The following ST8SIA5 variants were observed in gnomAD, a reference collection of about 807,000 sequenced individuals.
ST8SIA5 encodes ST8 alpha-N-acetyl-neuraminide alpha-2,8-sialyltransferase 5.
Under a neutral mutation model 40.2 loss-of-function variants are expected in ST8SIA5, and 24 were observed. The ratio of observed to expected loss-of-function variants is 0.60; its 90% CI spans 0.43 to 0.84. The LOEUF is 0.84. ST8SIA5 is among the 40% of genes least tolerant of loss of function. The pLI, the probability that ST8SIA5 is intolerant of heterozygous loss-of-function variation, is 0.00. For synonymous variants in ST8SIA5, 198 were observed against 201.8 expected (o/e 0.98, Z 0.16); for missense variants, 465 against 498.5 (o/e 0.93, Z 0.64).
At chr18:46,732,862 G>A (rs969003568) in intron 1 of ST8SIA5, among the ~76,000 whole-genome samples, 2 of 141,474 alleles carry the variant, frequency 1.4e-5, no homozygotes, top group African/African-American at 5.4e-5. Flanking sequence ...TCCTGGGGGA[G>A]GTGGGGGGCC....
chr18:46,695,926 C>T (rs968636436), intron 2 of ST8SIA5, among the ~76,000 whole-genome samples: 3 of 152,176 alleles, frequency 2.0e-5, no homozygotes, highest in African/African-American at 7.2e-5. Context: ...AGCTTACACA[C>T]CAATTGGGGA....
Position 46,756,599 on chromosome 18 carries a change from T to G in ST8SIA5, c.-91A>C, listed in dbSNP as rs2040251219. Reference sequence around the variant, plus strand: ...GGCCCCGGGGGGCGCGCGGCCGACTTGGCGCCTCACGGTGCGGTCAGGCAG... The same window carrying G: ...GGCCCCGGGGGGCGCGCGGCCGACTGGGCGCCTCACGGTGCGGTCAGGCAG... On this transcript the variant is annotated 5_prime_UTR_variant, in exon 1 of 7. Coordinates refer to ENST00000315087, the MANE Select transcript of ST8SIA5 (RefSeq NM_013305.6). 1.4e-6 allele frequency: 2 copies of G among 1,439,526 alleles called. No homozygotes were observed. The highest frequency in any genetic ancestry group is 1.9e-6 in the Non-Finnish European group (2 of 1,080,476). The allele number at this position is 1,439,526 out of a possible 1,614,324, so 89.2% of individuals were successfully genotyped here.
intron 1 of ST8SIA5, among the ~76,000 whole-genome samples, chr18:46,738,880 C>T (rs1340628958): frequency 6.6e-6 from 1 of 152,154 alleles, no homozygotes; most frequent in Non-Finnish European, 1.5e-5. Flanking sequence ...AGTTTCGCAT[C>T]CTCAAGTCTC....
chr18:46,746,056 G>A (rs2040136738), intron 1 of ST8SIA5, among the ~76,000 whole-genome samples: 1 of 152,134 alleles, frequency 6.6e-6, no homozygotes, highest in Non-Finnish European at 1.5e-5. Context: ...AGGTGTTGAA[G>A]GAACGTATCT....
At chr18:46,691,845 C>G (rs1470740497) in intron 3 of ST8SIA5, 1 of 363,620 alleles carries the variant, frequency 2.8e-6, no homozygotes, top group African/African-American at 2.1e-5. Flanking sequence ...TCACACAGGC[C>G]TGCTGGAGAC....
Position 46,756,588 on chromosome 18 carries a change from C to A in ST8SIA5, c.-80G>T. ...CGGGGTTCCGGGGCCCCGGGGGGCGCGCGGCCGACTTGGCGCCTCACGGTG... is the reference window on the plus strand; with the variant it reads ...CGGGGTTCCGGGGCCCCGGGGGGCGAGCGGCCGACTTGGCGCCTCACGGTG... On this transcript the variant is annotated 5_prime_UTR_variant, in exon 1 of 7. Transcript: ENST00000315087. The A allele has an allele frequency of 1.3e-6, 2 of 1,485,008 alleles. No individual in the cohort carries two copies. The highest frequency in any genetic ancestry group is 1.8e-6 in the Non-Finnish European group (2 of 1,113,866). 92.0% of individuals were successfully genotyped at this position (1,485,008 alleles called of 1,614,324 possible).
At chr18:46,728,955 T>A (rs1430878811) in intron 1 of ST8SIA5, among the ~76,000 whole-genome samples, 1 of 152,100 alleles carries the variant, frequency 6.6e-6, no homozygotes, top group Non-Finnish European at 1.5e-5. Context: ...AAGGACAGGA[T>A]CAGACCCTCA....
In ST8SIA5 at chr18:46,694,576, G is replaced by C. The variant is rs574568270; in HGVS notation, c.225-2321C>G. On this transcript the variant is annotated intron_variant, in intron 2 of 6. Transcript: ENST00000315087. ...GCCCACTAAGAAGCTCATTAGTCTT[G>C]GGTGCTGGTGCAGACAGGAGCCCTT... Among the ~76,000 whole-genome samples the C allele has an allele frequency of 7.9e-5, 12 of 152,200 alleles. No individual in the cohort carries two copies. The South Asian group carries it at 1.7e-3, about 21-fold the overall frequency.
At position 46,692,240 on chromosome 18, in the gene ST8SIA5, C is replaced by T. The variant is rs1262210732; in HGVS notation, c.240G>A (p.Glu80=). The T allele has an allele frequency of 1.4e-5, 23 of 1,614,020 alleles. No individual in the cohort carries two copies. Among genetic ancestry groups the T allele is most frequent in the Non-Finnish European group, 1.9e-5 (23 of 1,180,034 alleles). The change falls in exon 3 of 7, where the codon GAG becomes GAA. Residue 80 remains glutamate, a synonymous_variant. Coordinates refer to ENST00000315087, the MANE Select transcript of ST8SIA5 (RefSeq NM_013305.6). ...VKVLSMVKQS[E]LFDRWKSLQM... ...GGAGGCTCTTCCACCTGTCGAACAG[C>T]TCTGACTGCTTCACCCTTGGGAGTA...
At chr18:46,735,388 A>T (rs1332124576) in intron 1 of ST8SIA5, among the ~76,000 whole-genome samples, 1 of 152,270 alleles carries the variant, frequency 6.6e-6, no homozygotes, top group African/African-American at 2.4e-5. Context: ...TGACTAATAC[A>T]GTAACCAACG....
chr18:46,721,742 C>T (rs952494978), intron 1 of ST8SIA5, among the ~76,000 whole-genome samples: 5 of 152,214 alleles, frequency 3.3e-5, no homozygotes, highest in African/African-American at 7.2e-5. Context: ...TGCGACTTTG[C>T]GAGACAAAGG....
chr18:46,679,634 CA>C lies in ST8SIA5; in HGVS notation c.*407del. ...AGTGTCCTGTGAAGTGTCCTGTCTCCACTCTCAATTCCATTCTCTGTAGGGT... is the reference window on the plus strand; with the variant it reads ...AGTGTCCTGTGAAGTGTCCTGTCTCCCTCTCAATTCCATTCTCTGTAGGGT... On this transcript the variant is annotated 3_prime_UTR_variant, in exon 7 of 7. Coordinates refer to ENST00000315087, the MANE Select transcript of ST8SIA5 (RefSeq NM_013305.6). 1.3e-5 allele frequency: 3 copies of C among 234,500 alleles called. No homozygotes were observed. Among genetic ancestry groups the C allele is most frequent in the Non-Finnish European group, 2.5e-5 (3 of 119,360 alleles). 14.5% of individuals were successfully genotyped at this position (234,500 alleles called of 1,614,324 possible).
chr18:46,741,395 AG>A (rs2040085139), intron 1 of ST8SIA5, among the ~76,000 whole-genome samples: 1 of 152,222 alleles, frequency 6.6e-6, no homozygotes, highest in African/African-American at 2.4e-5. Flanking sequence ...GGATTAGTAA[AG>A]TTTTCCCATA....
intron 3 of ST8SIA5, among the ~76,000 whole-genome samples, chr18:46,689,698 C>G: frequency 6.6e-6 from 1 of 151,440 alleles, no homozygotes; most frequent in African/African-American, 2.4e-5. Flanking sequence ...CACAGCCTCC[C>G]AAGTAGCTGG....
In ST8SIA5 at chr18:46,670,046, G is replaced by A. The variant is rs2039299818; in HGVS notation, c.*9996C>T. The A allele has an allele frequency of 5.3e-5, 8 of 151,604 alleles. No homozygotes were observed. Among genetic ancestry groups the A allele is most frequent in the Admixed American group, 5.3e-4 (8 of 15,216 alleles). The allele number at this position is 151,604 out of a possible 1,614,324, so 9.4% of individuals were successfully genotyped here. A position where few individuals can be genotyped will look rare whatever the true frequency, so the allele number is the denominator to read the frequency against. The stretch of plus-strand genomic sequence containing the variant: ...ATCATGCCACTGCACTCCAGCCTGG[G>A]TGACAGAGTGAGACTCCATCTCAAA... On this transcript the variant is annotated 3_prime_UTR_variant, in exon 7 of 7. Coordinates refer to ENST00000315087, the MANE Select transcript of ST8SIA5 (RefSeq NM_013305.6).
intron 1 of ST8SIA5, chr18:46,721,545 G>A (rs1057097898): frequency 7.2e-5 from 90 of 1,243,410 alleles, no homozygotes; most frequent in Non-Finnish European, 4.0e-5. Flanking sequence ...GCCACATTCT[G>A]TTGCTGTGCC....
chr18:46,746,246 G>A (rs1424371980), intron 1 of ST8SIA5, among the ~76,000 whole-genome samples: 2 of 152,118 alleles, frequency 1.3e-5, no homozygotes, highest in Non-Finnish European at 2.9e-5. Context: ...GAAATAAAGG[G>A]TATTCAATTA....
rs1373728225 is a variant in ST8SIA5, at chr18:46,677,128, G to T, written c.*2914C>A. ...TAGGGAGAGGCACCTATAAGCACAG[G>T]CTGCTTCCCGGACGATGACAGCCTC... On this transcript the variant is annotated 3_prime_UTR_variant, in exon 7 of 7. Coordinates refer to ENST00000315087, the MANE Select transcript of ST8SIA5 (RefSeq NM_013305.6). 1 of 152,278 alleles carries T rather than the reference G, an allele frequency of 6.6e-6. No individual in the cohort carries two copies. The highest frequency in any genetic ancestry group is 1.5e-5 in the Non-Finnish European group (1 of 68,090). 9.4% of individuals were successfully genotyped at this position (152,278 alleles called of 1,614,324 possible). A position where few individuals can be genotyped will look rare whatever the true frequency, so the allele number is the denominator to read the frequency against.
chr18:46,721,716 TCA>T (rs772353708), intron 1 of ST8SIA5, among the ~76,000 whole-genome samples: 1 of 151,876 alleles, frequency 6.6e-6, no homozygotes, highest in Non-Finnish European at 1.5e-5. Context: ...AGCACACATT[TCA>T]CACACAGGGA....
Sources: allele counts gnomAD v4.1 joint callset (sites outside exome capture counted in the v4.1 genomes callset), GRCh38; gene constraint gnomAD v4.1.1; transcripts MANE v1.5; gene names NCBI Gene and HGNC (gene_info 2026-07-23, HGNC 2026-07-21).